The following DCDC1 variants were observed in gnomAD, a reference collection of about 807,000 sequenced individuals.
DCDC1 encodes doublecortin domain-containing protein 1.
A neutral mutation model predicts 178.3 loss-of-function variants in DCDC1; 200 were observed. The ratio of observed to expected loss-of-function variants is 1.12; its 90% CI spans 1.00 to 1.26. The LOEUF (loss-of-function observed/expected upper bound fraction) is 1.26. Among genes scored for constraint, DCDC1 ranks in the 50% most tolerant of loss-of-function variants. The pLI is 0.00. For synonymous variants in DCDC1, 690 were observed against 604.8 expected, an observed-to-expected ratio of 1.14 and a Z score of -2.07; for missense variants, 1,983 against 1,749.2, an observed-to-expected ratio of 1.13 and a Z score of -2.38.
intron 20 of DCDC1, among the ~76,000 whole-genome samples, chr11:31,006,828 T>G (rs73467170): frequency 6.6e-6 from 1 of 152,196 alleles, no homozygotes; most frequent in African/African-American, 2.4e-5. Context: ...TCTCTGAGAT[T>G]ATTGTCTTTT....
chr11:30,939,017 G>C (rs547534297), intron 21 of DCDC1, among the ~76,000 whole-genome samples: 1 of 151,994 alleles, frequency 6.6e-6, no homozygotes, highest in South Asian at 2.1e-4. Flanking sequence ...TTTCCCTCGC[G>C]GGATAATGGA....
rs1565147912 is a variant in DCDC1, at chr11:30,978,828, C to CACACACACA, written c.2592-26261_2592-26260insTGTGTGTGT. On this transcript the variant is annotated intron_variant, in intron 20 of 38. Coordinates refer to ENST00000684477, the MANE Select transcript of DCDC1 (RefSeq NM_001387274.1). ...CACACACACACACACACACACACAC[C>CACACACACA]CCCTTCTCAGCCTCTGGTATCTATC... Among the ~76,000 whole-genome samples, 1,132 of 127,080 alleles carry CACACACACA rather than the reference C, an allele frequency of 8.9e-3. 53 individuals are homozygous for CACACACACA. The highest frequency in any genetic ancestry group is 0.027 in the African/African-American group (818 of 30,208). The allele number at this position is 127,080 out of a possible 152,430, so 83.4% of individuals were successfully genotyped here. A position where few individuals can be genotyped will look rare whatever the true frequency, so the allele number is the denominator to read the frequency against.
chr11:31,077,795 T>C lies in DCDC1; in HGVS notation c.2298+70A>G, dbSNP rs371453837. 1.3e-4 allele frequency: 93 copies of C among 737,756 alleles called. No homozygotes were observed. In the African/African-American group the frequency reaches 1.5e-3, roughly 12 times the overall value. 45.7% of individuals were successfully genotyped at this position (737,756 alleles called of 1,614,324 possible). A position where few individuals can be genotyped will look rare whatever the true frequency, so the allele number is the denominator to read the frequency against. On this transcript the variant is annotated intron_variant, in intron 18 of 38. Transcript: ENST00000684477. ...AGCATTTCTTGCTCTAAACAATAGATAGTACCCTTTATAAGAATCTGGGAA... is the reference window on the plus strand; with the variant it reads ...AGCATTTCTTGCTCTAAACAATAGACAGTACCCTTTATAAGAATCTGGGAA...
chr11:31,152,256 C>T (rs964455408), intron 9 of DCDC1, among the ~76,000 whole-genome samples: 2 of 152,102 alleles, frequency 1.3e-5, no homozygotes, highest in African/African-American at 2.4e-5. Flanking sequence ...TTAACTCTGT[C>T]GCTATTGGGG....
chr11:30,931,712 ACAC>A (rs1946934578), intron 22 of DCDC1, 56 bp downstream of exon 22: 2 of 1,463,822 alleles, frequency 1.4e-6, no homozygotes, highest in Non-Finnish European at 1.8e-6. Flanking sequence ...ATAATTAAGA[ACAC>A]AAAATCTGTA....
chr11:30,978,663 CA>C (rs1554991327), intron 20 of DCDC1, among the ~76,000 whole-genome samples: 1 of 151,942 alleles, frequency 6.6e-6, no homozygotes, highest in Non-Finnish European at 1.5e-5. Flanking sequence ...AAATATACAA[CA>C]CCTTTTTGCT....
intron 13 of DCDC1, among the ~76,000 whole-genome samples, chr11:31,104,768 C>A (rs1454568198): frequency 2.0e-5 from 3 of 151,834 alleles, no homozygotes; most frequent in Non-Finnish European, 2.9e-5. Context: ...TGCTTTCAAG[C>A]CGTTCAAGAG....
At chr11:31,289,734 G>A (rs545384312) in intron 7 of DCDC1, among the ~76,000 whole-genome samples, 3 of 152,028 alleles carry the variant, frequency 2.0e-5, no homozygotes, top group Admixed American at 6.6e-5. Flanking sequence ...CATTGTCCTC[G>A]ATGCATAGTA....
intron 8 of DCDC1, chr11:31,263,100 C>G: frequency 1.2e-6 from 2 of 1,610,362 alleles, no homozygotes; most frequent in Non-Finnish European, 8.5e-7. Context: ...TTCTGTTATA[C>G]CATATTTGGG....
intron 17 of DCDC1, among the ~76,000 whole-genome samples, chr11:31,083,648 T>G (rs1397814742): frequency 6.6e-6 from 1 of 152,220 alleles, no homozygotes; most frequent in Non-Finnish European, 1.5e-5. Flanking sequence ...TTTCAGATTT[T>G]TTCAAGAAAA....
At chr11:31,163,205 A>AT (rs1474580285) in intron 9 of DCDC1, among the ~76,000 whole-genome samples, 1 of 152,132 alleles carries the variant, frequency 6.6e-6, no homozygotes, top group Non-Finnish European at 1.5e-5. Flanking sequence ...TTAAGTCAAT[A>AT]TTTTTTTCAA....
intron 9 of DCDC1, among the ~76,000 whole-genome samples, chr11:31,139,079 G>A (rs1963507780): frequency 6.6e-6 from 1 of 152,010 alleles, no homozygotes; most frequent in Non-Finnish European, 1.5e-5. Flanking sequence ...CTCTGCCATT[G>A]TAGCATGAAA....
intron 20 of DCDC1, among the ~76,000 whole-genome samples, chr11:30,974,131 T>C (rs975690477): frequency 2.0e-5 from 3 of 152,046 alleles, no homozygotes; most frequent in African/African-American, 7.2e-5. Flanking sequence ...TTCTCCTGAA[T>C]GACCATTGGA....
intron 21 of DCDC1, among the ~76,000 whole-genome samples, chr11:30,949,072 ACAGAAT>A (rs1203501940): frequency 7.9e-5 from 12 of 152,226 alleles, no homozygotes; most frequent in Non-Finnish European, 1.6e-4. Context: ...AAGGCAACCT[ACAGAAT>A]GGGAGAACAT....
At chr11:31,228,414 G>A (rs1337252248) in intron 9 of DCDC1, among the ~76,000 whole-genome samples, 2 of 152,028 alleles carry the variant, frequency 1.3e-5, no homozygotes, top group Non-Finnish European at 2.9e-5. Flanking sequence ...AGCAAAAGCA[G>A]GGCTTTGAGG....
At chr11:31,018,467 T>C (rs1407552064) in intron 20 of DCDC1, among the ~76,000 whole-genome samples, 1 of 152,200 alleles carries the variant, frequency 6.6e-6, no homozygotes, top group Non-Finnish European at 1.5e-5. Flanking sequence ...CCAGATGCCC[T>C]ATGCTCCTCA....
At chr11:31,242,346 G>A (rs1348348709) in intron 8 of DCDC1, among the ~76,000 whole-genome samples, 2 of 151,858 alleles carry the variant, frequency 1.3e-5, no homozygotes, top group African/African-American at 4.8e-5. Flanking sequence ...TTTTTCACAC[G>A]ATTAGTTAAT....
At chr11:31,213,387 G>A (rs1973080036) in intron 9 of DCDC1, among the ~76,000 whole-genome samples, 1 of 151,676 alleles carries the variant, frequency 6.6e-6, no homozygotes, top group Admixed American at 6.6e-5. Context: ...TCTAAAGTAG[G>A]AGTATTAAAT....
At chr11:31,250,415 C>CACACACACATAT (rs1223526182) in intron 8 of DCDC1, among the ~76,000 whole-genome samples, 5 of 73,732 alleles carry the variant, frequency 6.8e-5, no homozygotes, top group African/African-American at 2.6e-4. Flanking sequence ...CACACACACA[C>CACACACACATAT]ATATACATAT....
Sources: gnomAD v4.1 joint callset for allele counts (sites outside exome capture counted in the v4.1 genomes callset) on GRCh38, gnomAD v4.1.1 for gene constraint, MANE v1.5 for transcripts, NCBI Gene and HGNC (gene_info 2026-07-23, HGNC 2026-07-21) for gene names.